The following ZNF516 variants were observed in gnomAD, a reference collection of about 807,000 sequenced individuals.
The protein encoded by ZNF516 is zinc finger protein 516.
Under a neutral mutation model 79.7 loss-of-function variants are expected in ZNF516, and 19 were observed. The ratio of observed to expected loss-of-function variants is 0.24; its 90% CI spans 0.17 to 0.35. ZNF516 has a LOEUF of 0.35. Among genes scored for constraint, ZNF516 ranks in the 10% least tolerant of loss-of-function variants. The pLI, the probability that ZNF516 is intolerant of heterozygous loss-of-function variation, is 1.00. For synonymous variants in ZNF516, 877 were observed against 739.5 expected (o/e 1.19, Z -3.02); for missense variants, 1,678 against 1,679.5 (o/e 1.00, Z 0.02).
At chr18:76,473,375 A>AAAAAAAC (rs1568322140) in intron 1 of ZNF516, among the ~76,000 whole-genome samples, 1 of 132,074 alleles carries the variant, frequency 7.6e-6, no homozygotes, top group African/African-American at 2.8e-5. Flanking sequence ...AAAAAAAAAA[A>AAAAAAAC]AAAACACCTA....
In ZNF516 at chr18:76,357,796, C is replaced by T. The variant is rs1354866335; in HGVS notation, c.*4702G>A. Among the ~76,000 whole-genome samples, 1 of 152,176 alleles carries T rather than the reference C, an allele frequency of 6.6e-6. No individual in the cohort carries two copies. Among genetic ancestry groups the T allele is most frequent in the Non-Finnish European group, 1.5e-5 (1 of 68,040 alleles). On this transcript the variant is annotated 3_prime_UTR_variant, in exon 7 of 7. Coordinates refer to ENST00000443185, the MANE Select transcript of ZNF516 (RefSeq NM_014643.4). ...CCCTTGTGTCCCCACATTTTTGACA[C>T]AATAATTTCCTCCAGGTGTGGCTGA...
chr18:76,462,362 C>T (rs1913170910), intron 2 of ZNF516, among the ~76,000 whole-genome samples: 1 of 152,234 alleles, frequency 6.6e-6, no homozygotes, highest in Non-Finnish European at 1.5e-5. Flanking sequence ...CTTCCTGTTC[C>T]CACAAGGGAC....
chr18:76,445,398 G>A (rs1009118933), intron 2 of ZNF516, among the ~76,000 whole-genome samples: 9 of 152,214 alleles, frequency 5.9e-5, no homozygotes, highest in Admixed American at 3.3e-4. Context: ...GTGGATGGCT[G>A]TGTAATGATT....
intron 3 of ZNF516, among the ~76,000 whole-genome samples, chr18:76,423,911 G>T (rs1192769556): frequency 3.0e-5 from 3 of 98,668 alleles, no homozygotes; most frequent in South Asian, 3.4e-4. Context: ...AGGTGAAAAG[G>T]CTCCCTCCTG....
At chr18:76,432,986 A>T (rs1170698460) in intron 3 of ZNF516, among the ~76,000 whole-genome samples, 1 of 152,200 alleles carries the variant, frequency 6.6e-6, no homozygotes, top group African/African-American at 2.4e-5. Flanking sequence ...TGAGTCCAAC[A>T]ACACCAAAAG....
intron 4 of ZNF516, among the ~76,000 whole-genome samples, chr18:76,378,605 C>T (rs1343344042): frequency 2.6e-5 from 4 of 152,194 alleles, no homozygotes; most frequent in Non-Finnish European, 4.4e-5. Flanking sequence ...CCAGGGCCAA[C>T]GTGCAGAGGG....
intron 3 of ZNF516, among the ~76,000 whole-genome samples, chr18:76,407,286 A>G (rs146861977): frequency 1.1e-4 from 17 of 152,286 alleles, no homozygotes; most frequent in African/African-American, 4.1e-4. Flanking sequence ...TTAGCCAGGC[A>G]TGGTGGTGTG....
At chr18:76,491,517 C>G (rs1046123384) in intron 1 of ZNF516, 3 of 128,126 alleles carry the variant, frequency 2.3e-5, no homozygotes, top group African/African-American at 7.7e-5. Flanking sequence ...ACAGTGCAGG[C>G]GTGTGACGTC....
intron 2 of ZNF516, among the ~76,000 whole-genome samples, chr18:76,458,776 T>C (rs1599122870): frequency 7.4e-6 from 1 of 135,594 alleles, no homozygotes; most frequent in Non-Finnish European, 1.5e-5. Context: ...GTGCCTCGTG[T>C]GCGTGCCTCA....
intron 1 of ZNF516, among the ~76,000 whole-genome samples, chr18:76,475,144 C>T (rs972346675): frequency 6.6e-6 from 1 of 152,194 alleles, no homozygotes; most frequent in Non-Finnish European, 1.5e-5. Flanking sequence ...ATTTGTAACT[C>T]ATCAGCAAAA....
Position 76,490,065 on chromosome 18 carries a change from G to C in ZNF516, c.-272+5079C>G, listed in dbSNP as rs970891996. ...AAACAAAGCCCTACTAATGAATTAA[G>C]AAAAACATTAGACATGCTTGTGCCT... On this transcript the variant is annotated intron_variant, in intron 1 of 6. Transcript: ENST00000443185. 10 of 636,600 alleles carry C rather than the reference G, an allele frequency of 1.6e-5. No homozygotes were observed. In the Admixed American group the frequency reaches 3.8e-4, roughly 24 times the overall value. 39.4% of individuals were successfully genotyped at this position (636,600 alleles called of 1,614,324 possible).
intron 2 of ZNF516, among the ~76,000 whole-genome samples, chr18:76,454,139 T>G (rs1912582239): frequency 6.6e-6 from 1 of 152,236 alleles, no homozygotes; most frequent in Non-Finnish European, 1.5e-5. Flanking sequence ...CCATAAGGCA[T>G]TCTGTTAAAC....
chr18:76,407,585 C>T (rs1190809083), intron 3 of ZNF516, among the ~76,000 whole-genome samples: 4 of 152,222 alleles, frequency 2.6e-5, no homozygotes, highest in Admixed American at 6.5e-5. Flanking sequence ...TGAACACAAG[C>T]CATGCCAATC....
chr18:76,490,171 A>G (rs1439039090), intron 1 of ZNF516: 2 of 985,436 alleles, frequency 2.0e-6, no homozygotes, highest in East Asian at 2.3e-4. Flanking sequence ...AGCCCATTCA[A>G]GATGGCCATG....
intron 3 of ZNF516, among the ~76,000 whole-genome samples, chr18:76,415,620 G>A (rs113327159): frequency 1.3e-5 from 2 of 152,144 alleles, no homozygotes; most frequent in African/African-American, 2.4e-5. Context: ...CGGGGTTCTC[G>A]GGGAAACAGC....
intron 1 of ZNF516, among the ~76,000 whole-genome samples, chr18:76,473,433 G>GA (rs1913972039): frequency 6.9e-6 from 1 of 145,002 alleles, no homozygotes; most frequent in Non-Finnish European, 1.5e-5. Flanking sequence ...AAATATATCA[G>GA]AAAAGTACAA....
At position 76,378,806 on chromosome 18, in the gene ZNF516, TTCTGGGGG is replaced by T. The variant is rs780080875; in HGVS notation, c.3259+41_3259+48del. 7.6e-6 allele frequency: 12 copies of T among 1,575,166 alleles called. No homozygotes were observed. The South Asian group carries it at 1.4e-4, about 19-fold the overall frequency. ...AGCAGCCCTGGCCCTCCGGGGGTGGTTCTGGGGGTCACATGTGGCCTGGGGAAGAGAGG... is the reference window on the plus strand; with the variant it reads ...AGCAGCCCTGGCCCTCCGGGGGTGGTTCACATGTGGCCTGGGGAAGAGAGG... On this transcript the variant is annotated intron_variant, in intron 4 of 6. Transcript: ENST00000443185.
rs1915020652 is a variant in ZNF516 at position 76,489,339 on chromosome 18, G to A, written c.-272+5805C>T. 5.3e-5 allele frequency among the ~76,000 whole-genome samples: 8 copies of A among 152,274 alleles called. No individual in the cohort carries two copies. The South Asian group carries it at 1.7e-3, about 32-fold the overall frequency. ...GTAAGACTGAAAACCATCTGTTGGAGTATACCTCATTTCAAAGTATTCTTT... is the reference window on the plus strand; with the variant it reads ...GTAAGACTGAAAACCATCTGTTGGAATATACCTCATTTCAAAGTATTCTTT... On this transcript the variant is annotated intron_variant, in intron 1 of 6. Transcript: ENST00000443185.
rs370260335 is a variant in ZNF516, at chr18:76,392,067, C to T, written c.1811-11764G>A. 9.8e-5 allele frequency among the ~76,000 whole-genome samples: 15 copies of T among 152,322 alleles called. No homozygotes were observed. In the East Asian group the frequency reaches 1.2e-3, roughly 12 times the overall value. ...CACAGCTGAAGAAGAGCCTCATTTC[C>T]GCCACCAGCGACGCCAGTCAAACCA... On this transcript the variant is annotated intron_variant, in intron 3 of 6. Coordinates refer to ENST00000443185, the MANE Select transcript of ZNF516 (RefSeq NM_014643.4).
Sources: allele counts gnomAD v4.1 joint callset (sites outside exome capture counted in the v4.1 genomes callset), GRCh38; gene constraint gnomAD v4.1.1; transcripts MANE v1.5; gene names NCBI Gene and HGNC (gene_info 2026-07-23, HGNC 2026-07-21).